The following CERKL variants were observed in gnomAD, a reference collection of about 807,000 sequenced individuals.
CERKL encodes the protein CERK like autophagy regulator, also known as ceramide kinase-like protein.
A neutral mutation model predicts 63.4 loss-of-function variants in CERKL; 61 were observed. The observed-to-expected ratio is 0.96, with a 90% confidence interval of 0.78 to 1.19. CERKL has a LOEUF of 1.19. Among genes scored for constraint, CERKL ranks in the 50% most tolerant of loss-of-function variants. The pLI is 0.00. For missense variants in CERKL, 675 were observed against 655.5 expected (o/e 1.03, Z -0.33); for synonymous variants, 250 against 230.5 (o/e 1.08, Z -0.77).
At chr2:181,562,885 T>C (rs1169766522) in intron 4 of CERKL, among the ~76,000 whole-genome samples, 1 of 152,158 alleles carries the variant, frequency 6.6e-6, no homozygotes, top group Non-Finnish European at 1.5e-5. Flanking sequence ...AATACAGATA[T>C]GTTCAATCTG....
At chr2:181,608,417 C>G (rs1471204330) in intron 1 of CERKL, among the ~76,000 whole-genome samples, 1 of 111,488 alleles carries the variant, frequency 9.0e-6, no homozygotes, top group African/African-American at 3.7e-5. Context: ...AGGAAGGAAG[C>G]TGGGGGATGG....
intron 11 of CERKL, among the ~76,000 whole-genome samples, chr2:181,539,731 G>C (rs1487098861): frequency 6.6e-6 from 1 of 152,106 alleles, no homozygotes; most frequent in Admixed American, 6.6e-5. Flanking sequence ...TTTTAAAAGA[G>C]AAAGCCAATC....
chr2:181,583,503 A>G (rs1411774900), intron 2 of CERKL, among the ~76,000 whole-genome samples: 1 of 152,220 alleles, frequency 6.6e-6, no homozygotes, highest in Non-Finnish European at 1.5e-5. Flanking sequence ...TTGAAAATTC[A>G]GTTTAGAGGA....
At chr2:181,646,248 A>T (rs566364906) in intron 1 of CERKL, among the ~76,000 whole-genome samples, 1 of 152,360 alleles carries the variant, frequency 6.6e-6, no homozygotes, top group African/African-American at 2.4e-5. Flanking sequence ...CCTGACTTAG[A>T]TAACATTCCA....
chr2:181,551,173 G>A (rs748795249), intron 5 of CERKL, among the ~76,000 whole-genome samples: 20 of 152,150 alleles, frequency 1.3e-4, no homozygotes, highest in African/African-American at 4.3e-4. Flanking sequence ...GCCTTTGTTT[G>A]TAGGCATGAT....
chr2:181,653,323 G>C (rs1688016808), intron 1 of CERKL, among the ~76,000 whole-genome samples: 1 of 152,158 alleles, frequency 6.6e-6, no homozygotes, highest in Non-Finnish European at 1.5e-5. Flanking sequence ...TTGTAAACTA[G>C]TACAGTCAAT....
intron 2 of CERKL, among the ~76,000 whole-genome samples, chr2:181,582,013 A>T (rs1559088738): frequency 6.6e-6 from 1 of 152,204 alleles, no homozygotes; most frequent in Non-Finnish European, 1.5e-5. Flanking sequence ...TTACAAAAAA[A>T]CATAAATCTC....
intron 2 of CERKL, among the ~76,000 whole-genome samples, chr2:181,582,430 AC>A (rs1406511868): frequency 1.3e-5 from 2 of 151,922 alleles, no homozygotes; most frequent in South Asian, 4.2e-4. Context: ...ATATCTTCTT[AC>A]CCTTTAGTAG....
At chr2:181,543,491 G>C (rs1469055742) in intron 11 of CERKL, among the ~76,000 whole-genome samples, 1 of 152,134 alleles carries the variant, frequency 6.6e-6, no homozygotes, top group African/African-American at 2.4e-5. Context: ...AATACATGAG[G>C]ATCAAATAAT....
chr2:181,539,319 G>A (rs551191261), intron 11 of CERKL, 55 bp from the exon 12 acceptor site: 31 of 1,138,022 alleles, frequency 2.7e-5, no homozygotes, highest in Admixed American at 1.7e-4. Context: ...CTACTAACGC[G>A]AATCAAAGTT....
intron 3 of CERKL, among the ~76,000 whole-genome samples, chr2:181,567,464 C>T (rs1176480720): frequency 1.3e-5 from 2 of 151,846 alleles, no homozygotes; most frequent in Non-Finnish European, 2.9e-5. Flanking sequence ...TTATTGAATG[C>T]TATTTTTATT....
intron 1 of CERKL, among the ~76,000 whole-genome samples, chr2:181,637,090 A>G (rs1687210777): frequency 1.3e-5 from 2 of 152,308 alleles, no homozygotes; most frequent in South Asian, 2.1e-4. Flanking sequence ...CTATGCTGAG[A>G]TATCATTTAT....
intron 1 of CERKL, among the ~76,000 whole-genome samples, chr2:181,655,421 CTA>C (rs935766232): frequency 8.5e-5 from 13 of 152,230 alleles, no homozygotes; most frequent in African/African-American, 3.1e-4. Context: ...TTATAAACTT[CTA>C]TATTGCATAA....
At chr2:181,565,949 A>G in intron 4 of CERKL, 109 bp downstream of exon 4, 1 of 747,034 alleles carries the variant, frequency 1.3e-6, no homozygotes, top group African/African-American at 1.8e-5. Flanking sequence ...GCCAAAGTAC[A>G]TACACTACAA....
intron 1 of CERKL, among the ~76,000 whole-genome samples, chr2:181,616,586 C>T (rs1003970596): frequency 2.0e-5 from 3 of 152,196 alleles, no homozygotes; most frequent in African/African-American, 7.2e-5. Flanking sequence ...GTAAAAGTGA[C>T]ATTAAAAATG....
intron 1 of CERKL, among the ~76,000 whole-genome samples, chr2:181,628,289 T>C (rs1686799499): frequency 6.6e-6 from 1 of 152,200 alleles, no homozygotes; most frequent in Non-Finnish European, 1.5e-5. Context: ...CAGATAATTC[T>C]CCATAACCCA....
intron 11 of CERKL, among the ~76,000 whole-genome samples, chr2:181,540,389 C>T (rs1687446594): frequency 6.6e-6 from 1 of 152,124 alleles, no homozygotes; most frequent in African/African-American, 2.4e-5. Context: ...ATTATATTTC[C>T]CTCCACCACC....
chr2:181,594,230 T>G (rs1185677792), intron 2 of CERKL, among the ~76,000 whole-genome samples: 1 of 152,228 alleles, frequency 6.6e-6, no homozygotes, highest in Non-Finnish European at 1.5e-5. Flanking sequence ...CTTACTAATC[T>G]CTGTGCTAAG....
At chr2:181,561,186 G>A (rs1688424469) in intron 4 of CERKL, among the ~76,000 whole-genome samples, 1 of 152,076 alleles carries the variant, frequency 6.6e-6, no homozygotes, top group Non-Finnish European at 1.5e-5. Flanking sequence ...GGCCAAGGGT[G>A]GATCACGAGG....
Sources: gnomAD v4.1 joint callset for allele counts (sites outside exome capture counted in the v4.1 genomes callset) on GRCh38, gnomAD v4.1.1 for gene constraint, MANE v1.5 for transcripts, NCBI Gene and HGNC (gene_info 2026-07-23, HGNC 2026-07-21) for gene names.